The following BLM variants were observed in gnomAD, a reference collection of about 807,000 sequenced individuals.
BLM encodes the protein BLM RecQ like helicase.
In BLM, 95 loss-of-function variants were observed where a neutral mutation model predicts 135.3. The ratio of observed to expected loss-of-function variants is 0.70; its 90% CI spans 0.59 to 0.83. The LOEUF is 0.83. Among genes scored for constraint, BLM ranks in the 40% least tolerant of loss-of-function variants. The probability of loss-of-function intolerance (pLI) is 0.00; values close to 1 mark genes in which losing one functional copy is unlikely to be tolerated. For missense variants in BLM, 1,518 were observed against 1,663.9 expected (o/e 0.91, Z 1.53); for synonymous variants, 520 against 589.2 (o/e 0.88, Z 1.70).
intron 12 of BLM, among the ~76,000 whole-genome samples, chr15:90,779,452 G>A (rs993549723): frequency 8.6e-5 from 13 of 152,020 alleles, no homozygotes; most frequent in Admixed American, 2.6e-4. Flanking sequence ...CTCATGCACC[G>A]TTTCCAACTT....
At chr15:90,748,233 C>G (rs561005936) in intron 2 of BLM, among the ~76,000 whole-genome samples, 2 of 151,944 alleles carry the variant, frequency 1.3e-5, no homozygotes, top group Non-Finnish European at 2.9e-5. Flanking sequence ...CTCAGCCTCC[C>G]AAGTAGCTGG....
intron 14 of BLM, among the ~76,000 whole-genome samples, chr15:90,787,572 G>A (rs965500605): frequency 1.3e-5 from 2 of 152,064 alleles, no homozygotes; most frequent in Non-Finnish European, 2.9e-5. Flanking sequence ...TTAGTATCCC[G>A]AGAAAGATAT....
At chr15:90,733,262 T>C (rs1019201558) in intron 1 of BLM, among the ~76,000 whole-genome samples, 1 of 152,204 alleles carries the variant, frequency 6.6e-6, no homozygotes, top group Non-Finnish European at 1.5e-5. Context: ...CGTAAACAAA[T>C]TTGAAAACTA....
Position 90,790,712 on chromosome 15 carries a change from C to T in BLM, c.2887C>T (p.His963Tyr), listed in dbSNP as rs367543023. 6.2e-7 allele frequency: 1 copy of T among 1,614,172 alleles called. No homozygotes were observed. The highest frequency in any genetic ancestry group is 2.2e-5 in the East Asian group (1 of 44,874). Residue 963 changes from histidine (H) to tyrosine (Y), a missense_variant, in exon 15 of 22, where the codon CAT becomes TAT. Transcript: ENST00000355112. ...IDKPDVRFVI[H>Y]ASLPKSVEGY... The stretch of plus-strand genomic sequence containing the variant: ...CAAACCGGACGTGCGATTTGTGATT[C>T]ATGCATCTCTCCCTAAATCTGTGGA...
chr15:90,790,860 T>C lies in BLM; in HGVS notation c.3019+16T>C, dbSNP rs759695033. 9 of 1,604,964 alleles carry C rather than the reference T, an allele frequency of 5.6e-6. No homozygotes were observed. The highest frequency in any genetic ancestry group is 1.3e-5 in the African/African-American group (1 of 74,724). On this transcript the variant is annotated intron_variant, in intron 15 of 21. Transcript: ENST00000355112. ...CTTATAATGAGTAAGCTGGGCTCCATTGTAGAGACATTCTGTCATCTTCAG... is the reference window on the plus strand; with the variant it reads ...CTTATAATGAGTAAGCTGGGCTCCACTGTAGAGACATTCTGTCATCTTCAG...
At chr15:90,774,202 G>C (rs1362456517) in intron 12 of BLM, among the ~76,000 whole-genome samples, 1 of 150,144 alleles carries the variant, frequency 6.7e-6, no homozygotes, top group Non-Finnish European at 1.5e-5. Context: ...AGCCTCCCAA[G>C]TAGCTGGGAC....
intron 12 of BLM, among the ~76,000 whole-genome samples, chr15:90,776,375 T>C (rs8024043): frequency 0.012 from 1,903 of 152,322 alleles, 47 homozygotes; most frequent in African/African-American, 0.044. Context: ...GTCTTATTAT[T>C]CTTTCAACAA....
chr15:90,734,070 G>A (rs919805969), intron 1 of BLM, among the ~76,000 whole-genome samples: 1 of 152,002 alleles, frequency 6.6e-6, no homozygotes, highest in South Asian at 2.1e-4. Flanking sequence ...AAACAGAACA[G>A]AATCCAGCAC....
chr15:90,745,206 A>G (rs368826393), intron 1 of BLM, among the ~76,000 whole-genome samples: 1 of 152,316 alleles, frequency 6.6e-6, no homozygotes, highest in East Asian at 1.9e-4. Context: ...CCCGCCTGAA[A>G]AGACTCCCAC....
At chr15:90,800,202 A>T (rs767494076) in intron 17 of BLM, among the ~76,000 whole-genome samples, 47 of 152,188 alleles carry the variant, frequency 3.1e-4, no homozygotes, top group Non-Finnish European at 6.0e-4. Context: ...AAGCTCTGGA[A>T]AGAAAACAGG....
intron 18 of BLM, 125 bp downstream of exon 18, chr15:90,803,845 C>A: frequency 9.8e-7 from 1 of 1,021,246 alleles, no homozygotes; most frequent in Non-Finnish European, 1.4e-6. Flanking sequence ...TCTATACGAA[C>A]ATATTCTGTT....
chr15:90,744,779 G>C (rs972494933), intron 1 of BLM, among the ~76,000 whole-genome samples: 1 of 152,074 alleles, frequency 6.6e-6, no homozygotes, highest in African/African-American at 2.4e-5. Context: ...GCTGGGCGCG[G>C]TGGCTCACAC....
At chr15:90,769,963 A>G (rs1264625002) in intron 12 of BLM, among the ~76,000 whole-genome samples, 1 of 152,126 alleles carries the variant, frequency 6.6e-6, no homozygotes, top group Non-Finnish European at 1.5e-5. Context: ...TGGCTTCCAT[A>G]TATCCTAGAG....
chr15:90,748,427 T>C (rs1274130382), intron 2 of BLM, among the ~76,000 whole-genome samples: 1 of 152,176 alleles, frequency 6.6e-6, no homozygotes, highest in African/African-American at 2.4e-5. Flanking sequence ...AATATAATTT[T>C]ATATACTTTC....
At chr15:90,793,106 A>G (rs1409117940) in intron 15 of BLM, among the ~76,000 whole-genome samples, 1 of 151,778 alleles carries the variant, frequency 6.6e-6, no homozygotes, top group East Asian at 1.9e-4. Flanking sequence ...ATAAACTGGA[A>G]GAAAAAAATA....
chr15:90,769,209 A>C lies in BLM; in HGVS notation c.2384A>C (p.Asp795Ala). Reference sequence around the variant, plus strand: ...AAGCTCTTGGCACGTTTTGTTATTGATGAAGCACATTGTGTCAGTCAGGTA... The same window carrying C: ...AAGCTCTTGGCACGTTTTGTTATTGCTGAAGCACATTGTGTCAGTCAGGTA... ...ERKLLARFVI[D>A]EAHCVSQWGH... Residue 795 changes from aspartate to alanine, a missense_variant, in exon 11 of 22, where the codon GAT (aspartate) becomes GCT (alanine). Coordinates refer to ENST00000355112, the MANE Select transcript of BLM (RefSeq NM_000057.4). The C allele has an allele frequency of 1.1e-5, 18 of 1,612,458 alleles. No individual in the cohort carries two copies. Among genetic ancestry groups the C allele is most frequent in the Non-Finnish European group, 1.5e-5 (18 of 1,178,440 alleles).
chr15:90,739,805 G>A (rs1895317042), intron 1 of BLM, among the ~76,000 whole-genome samples: 1 of 151,950 alleles, frequency 6.6e-6, no homozygotes, highest in Non-Finnish European at 1.5e-5. Context: ...TTGCTCTGTT[G>A]CCCAGGTTAG....
intron 1 of BLM, among the ~76,000 whole-genome samples, chr15:90,743,504 T>C (rs1485096822): frequency 6.6e-6 from 1 of 151,946 alleles, no homozygotes; most frequent in African/African-American, 2.4e-5. Context: ...TTTTTCTCCT[T>C]TATCACTGGT....
chr15:90,791,985 T>A (rs1896915443), intron 15 of BLM, among the ~76,000 whole-genome samples: 1 of 152,158 alleles, frequency 6.6e-6, no homozygotes, highest in African/African-American at 2.4e-5. Context: ...TGAAAGTGAA[T>A]ACATATTTTA....
Sources: allele counts gnomAD v4.1 joint callset (sites outside exome capture counted in the v4.1 genomes callset), GRCh38; gene constraint gnomAD v4.1.1; transcripts MANE v1.5; gene names NCBI Gene and HGNC (gene_info 2026-07-23, HGNC 2026-07-21).